Variants in DMD observed in about 807,000 individuals in gnomAD.
DMD encodes the protein dystrophin, also known as mutant dystrophin.
Under a neutral mutation model 330.1 loss-of-function variants are expected in DMD, and 63 were observed. The observed-to-expected ratio is 0.19, with a 90% CI of 0.16 to 0.24. DMD has a LOEUF of 0.24. Ranked by LOEUF, DMD falls within the 10% of genes least tolerant of loss-of-function variation. The pLI is 1.00. For missense variants in DMD, 3,344 were observed against 2,684.1 expected, an observed-to-expected ratio of 1.25 and a Z score of -5.43; for synonymous variants, 1,223 against 959.8, an observed-to-expected ratio of 1.27 and a Z score of -5.07.
chrX:33,283,067 T>C (rs1790065410), intron 1 of DMD, among the ~76,000 whole-genome samples: 1 of 112,066 alleles, frequency 8.9e-6, no homozygotes, highest in African/African-American at 3.2e-5. Context: ...TTCTCAGTCT[T>C]GTTTTAATAT....
chrX:32,350,662 G>A (rs1487535316), intron 37 of DMD, among the ~76,000 whole-genome samples: 1 of 110,901 alleles, frequency 9.0e-6, no homozygotes, highest in Admixed American at 9.6e-5. Context: ...GTTCCAGCCT[G>A]TGCCCAATGA....
At position 32,816,479 on chromosome X, in the gene DMD, G is replaced by T. The variant is rs2077771582; in HGVS notation, c.519C>A (p.Ile173=). The change falls in exon 6 of 79, where the codon ATC becomes ATA. Residue 173 remains isoleucine (I), a synonymous_variant. Coordinates refer to ENST00000357033, the MANE Select transcript of DMD (RefSeq NM_004006.3). The part of the protein sequence containing the change: ...WSDGLALNAL[I]HSHRPDLFDW... ...AGTAATCTTCTTACCTATGACTATG[G>T]ATGAGAGCATTCAAAGCCAGGCCAT... 8.3e-7 allele frequency: 1 copy of T among 1,211,158 alleles called. No homozygotes were observed. The highest frequency in any genetic ancestry group is 1.1e-6 in the Non-Finnish European group (1 of 895,069).
At chrX:32,634,864 G>A (rs2058985113) in intron 11 of DMD, among the ~76,000 whole-genome samples, 1 of 111,939 alleles carries the variant, frequency 8.9e-6, no homozygotes, top group Non-Finnish European at 1.9e-5. Flanking sequence ...TCACTAGGTT[G>A]TATGTATCCC....
intron 60 of DMD, among the ~76,000 whole-genome samples, chrX:31,399,999 G>C (rs762796827): frequency 1.8e-5 from 2 of 111,998 alleles, no homozygotes; most frequent in Non-Finnish European, 3.8e-5. Context: ...GAAAGTAAAT[G>C]CAAGGTGCAA....
chrX:32,287,651 A>G lies in DMD; in HGVS notation c.6168T>C (p.His2056=), dbSNP rs752945396. The change falls in exon 43 of 79, where the codon CAT becomes CAC. Residue 2056 remains histidine, a synonymous_variant. Transcript: ENST00000357033. ...TTTGCAATGCTGCTGTCTTCTTGCT[A>G]TGAATAATGTCAATCCGACCTGAGC... is the stretch of plus-strand genomic sequence containing the variant. ...QQSSGRIDII[H]SKKTAALQSA... 11 of 1,208,555 alleles carry G rather than the reference A, an allele frequency of 9.1e-6. No homozygotes were observed. In the South Asian group the frequency reaches 1.8e-4, roughly 19 times the overall value.
At position 32,699,226 on chromosome X, in the gene DMD, C is replaced by A. The variant is rs1222379202; in HGVS notation, c.717G>T (p.Leu239Phe). The change falls in exon 8 of 79, where the codon TTG becomes TTT. Residue 239 changes from leucine (L) to phenylalanine (F), a missense_variant. Physicochemically the swap from Leu to Phe is conservative, Grantham distance 22 (BLOSUM62 0). Transcript: ENST00000357033. ...TGGCTTCAATGCTCACTTGTTGAGG[C>A]AAAACTTGGAAGAGTGATGTGATGT... ...LMYITSLFQV[L>F]PQQVSIEAIQ... 2 of 1,207,957 alleles carry A rather than the reference C, an allele frequency of 1.7e-6. No individual in the cohort carries two copies. Among genetic ancestry groups the A allele is most frequent in the African/African-American group, 1.8e-5 (1 of 57,113 alleles).
intron 52 of DMD, among the ~76,000 whole-genome samples, chrX:31,711,596 G>A (rs992302281): frequency 5.4e-5 from 6 of 110,564 alleles, no homozygotes; most frequent in African/African-American, 1.6e-4. Flanking sequence ...ACAGCCTTCT[G>A]ATAATTACTT....
chrX:33,250,226 G>T (rs1485098320), intron 1 of DMD, among the ~76,000 whole-genome samples: 1 of 106,298 alleles, frequency 9.4e-6, no homozygotes, highest in South Asian at 4.2e-4. Context: ...CACAGACAGG[G>T]GTTTGGGGGA....
intron 1 of DMD, among the ~76,000 whole-genome samples, chrX:33,308,463 C>T (rs1378624307): frequency 8.9e-6 from 1 of 111,916 alleles, no homozygotes. Flanking sequence ...GAATTAAACT[C>T]CAATATATTG....
At chrX:31,543,420 C>T (rs1412547555) in intron 55 of DMD, among the ~76,000 whole-genome samples, 1 of 111,178 alleles carries the variant, frequency 9.0e-6, no homozygotes, top group East Asian at 2.8e-4. Flanking sequence ...ATCCGCCCAC[C>T]TTGGCCTCCC....
At chrX:31,603,840 G>A (rs1453958959) in intron 55 of DMD, among the ~76,000 whole-genome samples, 2 of 111,259 alleles carry the variant, frequency 1.8e-5, no homozygotes, top group Non-Finnish European at 3.8e-5. Flanking sequence ...GATCCTTCCT[G>A]GTGGCTTCTG....
chrX:31,227,566 C>T (rs374421359), intron 63 of DMD, among the ~76,000 whole-genome samples: 85 of 111,140 alleles, frequency 7.6e-4, no homozygotes, highest in African/African-American at 2.5e-3. Context: ...TGGCTTAGGA[C>T]TGACTTGGCA....
At chrX:31,139,053 C>A (rs2035704169) in intron 76 of DMD, among the ~76,000 whole-genome samples, 1 of 112,262 alleles carries the variant, frequency 8.9e-6, no homozygotes, top group African/African-American at 3.2e-5. Context: ...TCATTGCCTG[C>A]TCAAATAGCA....
chrX:32,927,126 G>A (rs367760662), intron 2 of DMD, among the ~76,000 whole-genome samples: 8 of 110,536 alleles, frequency 7.2e-5, no homozygotes, highest in Admixed American at 2.9e-4. Flanking sequence ...TCTCTACTTC[G>A]TCTACTGGGA....
At chrX:32,159,282 A>G (rs10126878) in intron 44 of DMD, among the ~76,000 whole-genome samples, 1,550 of 112,291 alleles carry the variant, frequency 0.014, 15 homozygotes, top group Non-Finnish European at 0.021. Flanking sequence ...AATTTCCCAT[A>G]TGGAAGAAAT....
chrX:33,133,206 G>A lies in DMD; in HGVS notation c.31+78076C>T, dbSNP rs113329883. Among the ~76,000 whole-genome samples the A allele has an allele frequency of 3.6e-3, 402 of 111,069 alleles. 1 individual carries two copies. The highest frequency in any genetic ancestry group is 0.012 in the African/African-American group (379 of 30,549). On this transcript the variant is annotated intron_variant, in intron 1 of 78. Coordinates refer to ENST00000357033, the MANE Select transcript of DMD (RefSeq NM_004006.3). ...GAGGTTAGGCTCCTGCTGAGAGTTG[G>A]AGCTAAACCTAGCACCTATATGTAG... is the stretch of plus-strand genomic sequence containing the variant.
chrX:31,403,769 G>A (rs1414667111), intron 60 of DMD, among the ~76,000 whole-genome samples: 1 of 111,459 alleles, frequency 9.0e-6, no homozygotes, highest in Non-Finnish European at 1.9e-5. Flanking sequence ...TGAAATCACT[G>A]CCTATGTTCA....
chrX:31,127,151 C>A lies in DMD; in HGVS notation c.11015-478G>T, dbSNP rs959434324. Among the ~76,000 whole-genome samples the A allele has an allele frequency of 8.0e-5, 9 of 112,393 alleles. No individual in the cohort carries two copies. In the Admixed American group the frequency reaches 8.5e-4, roughly 11 times the overall value. On this transcript the variant is annotated intron_variant, in intron 77 of 78. Transcript: ENST00000357033. Reference sequence around the variant, plus strand: ...AGAACCCGACATAGAGGCTGGACTCCATCCTCTTGGGAGAATTTGTTCTAT... The same window carrying A: ...AGAACCCGACATAGAGGCTGGACTCAATCCTCTTGGGAGAATTTGTTCTAT...
At chrX:33,012,848 T>TG (rs1486776451) in intron 2 of DMD, among the ~76,000 whole-genome samples, 1 of 111,318 alleles carries the variant, frequency 9.0e-6, no homozygotes, top group African/African-American at 3.3e-5. Flanking sequence ...CAACTTATGA[T>TG]GGGTTTATAG....
Sources: gnomAD v4.1 joint callset for allele counts (sites outside exome capture counted in the v4.1 genomes callset) on GRCh38, gnomAD v4.1.1 for gene constraint, MANE v1.5 for transcripts, NCBI Gene and HGNC (gene_info 2026-07-23, HGNC 2026-07-21) for gene names.